ITPR1: variants seen among roughly 807,000 people sequenced by gnomAD.
ITPR1 encodes the protein inositol 1,4,5-trisphosphate-gated calcium channel ITPR1.
ITPR1 carries 96 observed loss-of-function variants against 318.4 expected under a neutral mutation model. The observed-to-expected ratio is 0.30, with a 90% CI of 0.26 to 0.36. ITPR1 has a LOEUF of 0.36. Among genes scored for constraint, ITPR1 ranks in the 10% least tolerant of loss-of-function variants. ITPR1 has a pLI of 1.00. For synonymous variants in ITPR1, 1,312 were observed against 1,289.9 expected (o/e 1.02, Z -0.37); for missense variants, 2,440 against 3,460.2 (o/e 0.71, Z 7.40).
chr3:4,677,909 T>G (rs2094216469), intron 24 of ITPR1, among the ~76,000 whole-genome samples: 1 of 132,344 alleles, frequency 7.6e-6, no homozygotes, highest in Admixed American at 7.7e-5. Flanking sequence ...CTCCCAAGCC[T>G]CTCTACAGCT....
intron 52 of ITPR1, among the ~76,000 whole-genome samples, chr3:4,790,901 C>T (rs752766512): frequency 6.6e-6 from 1 of 152,236 alleles, no homozygotes; most frequent in Non-Finnish European, 1.5e-5. Flanking sequence ...CTCTCACCAT[C>T]CCTCCCTGAT....
At chr3:4,829,726 T>G (rs2050316138) in intron 60 of ITPR1, among the ~76,000 whole-genome samples, 1 of 152,158 alleles carries the variant, frequency 6.6e-6, no homozygotes, top group African/African-American at 2.4e-5. Context: ...CCTCCATCAT[T>G]TGCTGCTTAC....
chr3:4,820,402 T>G (rs1384748496), intron 60 of ITPR1, among the ~76,000 whole-genome samples: 1 of 152,182 alleles, frequency 6.6e-6, no homozygotes, highest in African/African-American at 2.4e-5. Flanking sequence ...TTTCTCTTAA[T>G]CACCTTACTT....
intron 4 of ITPR1, among the ~76,000 whole-genome samples, chr3:4,561,765 T>G (rs1426234581): frequency 1.3e-5 from 2 of 152,124 alleles, no homozygotes; most frequent in African/African-American, 2.4e-5. Flanking sequence ...TAATTTAACG[T>G]GGGTTAAAAG....
intron 32 of ITPR1, among the ~76,000 whole-genome samples, chr3:4,692,284 C>G (rs752639376): frequency 1.3e-5 from 2 of 150,584 alleles, no homozygotes; most frequent in South Asian, 2.1e-4. Flanking sequence ...TGAAGATACG[C>G]AGATTTCACT....
intron 4 of ITPR1, among the ~76,000 whole-genome samples, chr3:4,601,892 T>A (rs1322149116): frequency 6.6e-6 from 1 of 152,156 alleles, no homozygotes; most frequent in East Asian, 1.9e-4. Context: ...GGAAAAAGAT[T>A]TGAATAGACG....
intron 17 of ITPR1, among the ~76,000 whole-genome samples, chr3:4,666,080 T>C (rs2093941193): frequency 6.6e-6 from 1 of 152,152 alleles, no homozygotes; most frequent in African/African-American, 2.4e-5. Context: ...ATGTCAGTAG[T>C]GCTGAGGTTT....
At chr3:4,835,703 A>G (rs2050859674) in intron 60 of ITPR1, among the ~76,000 whole-genome samples, 1 of 152,180 alleles carries the variant, frequency 6.6e-6, no homozygotes, top group Non-Finnish European at 1.5e-5. Flanking sequence ...GTCTCATGCT[A>G]AGCTTTTCTT....
At position 4,676,774 on chromosome 3, in the gene ITPR1, C is replaced by G. The variant is rs886058614; in HGVS notation, c.2940C>G (p.Thr980=). The G allele has an allele frequency of 1.1e-5, 17 of 1,613,370 alleles. No homozygotes were observed. Among genetic ancestry groups the G allele is most frequent in the Non-Finnish European group, 1.3e-5 (15 of 1,179,682 alleles). ...AGGAGGACATCATGGTCATGGACACCAAGCTGAAGATCATTGAGATACTCC... is the reference window on the plus strand; with the variant it reads ...AGGAGGACATCATGGTCATGGACACGAAGCTGAAGATCATTGAGATACTCC... The part of the protein sequence containing the change: ...PEKEDIMVMD[T]KLKIIEILQF... Residue 980 remains threonine (T), a synonymous_variant, in exon 24 of 62, where the codon ACC becomes ACG. Coordinates refer to ENST00000649015, the MANE Select transcript of ITPR1 (RefSeq NM_001378452.1).
At chr3:4,620,851 C>A (rs113686917) in intron 4 of ITPR1, among the ~76,000 whole-genome samples, 1 of 152,072 alleles carries the variant, frequency 6.6e-6, no homozygotes, top group Admixed American at 6.5e-5. Flanking sequence ...TGTATAGCTA[C>A]AGTGGATTTG....
At position 4,673,330 on chromosome 3, in the gene ITPR1, C is replaced by A. The variant is rs768078525; in HGVS notation, c.2399C>A (p.Thr800Asn). The change falls in exon 21 of 62, where the codon ACC becomes AAC. Residue 800 changes from threonine (T) to asparagine (N), a missense_variant. Physicochemically the swap from Thr to Asn is moderately conservative, Grantham distance 65. Transcript: ENST00000649015. ...GACCGAGATCCCCAGGAACAAGTCA[C>A]CCCCGTGAAATATGCCCGCCTCTGG... ...HVDRDPQEQVTPVKYARLWSE... is the reference protein window; with the variant it reads ...HVDRDPQEQVNPVKYARLWSE... 1 of 1,613,422 alleles carries A rather than the reference C, an allele frequency of 6.2e-7. No individual in the cohort carries two copies. Among genetic ancestry groups the A allele is most frequent in the South Asian group, 1.1e-5 (1 of 91,054 alleles).
chr3:4,516,772 T>C (rs1254664243), intron 3 of ITPR1, among the ~76,000 whole-genome samples, 189 bp downstream of exon 3: 3 of 152,256 alleles, frequency 2.0e-5, no homozygotes, highest in African/African-American at 7.2e-5. Flanking sequence ...ATTTTCTGTA[T>C]ATTTCTGAAA....
chr3:4,707,443 A>G (rs916629903), intron 37 of ITPR1, among the ~76,000 whole-genome samples: 3 of 152,228 alleles, frequency 2.0e-5, no homozygotes, highest in African/African-American at 4.8e-5. Flanking sequence ...GCTTCCTCAC[A>G]TCATGGCGGC....
intron 53 of ITPR1, chr3:4,799,716 G>A (rs1037594133): frequency 1.3e-5 from 2 of 152,062 alleles, no homozygotes; most frequent in South Asian, 2.1e-4. Flanking sequence ...AAGCCGTCTC[G>A]TGGGACACTC....
intron 4 of ITPR1, among the ~76,000 whole-genome samples, chr3:4,523,372 G>A (rs304018): frequency 0.99 from 151,211 of 152,294 alleles, 75,074 homozygotes; most frequent in Middle Eastern, 1. Context: ...GAATATGCAT[G>A]TATAGTGGAA....
In ITPR1 at chr3:4,779,742, T is replaced by C; in HGVS notation, c.6387+97T>C. 1.3e-6 allele frequency: 1 copy of C among 795,882 alleles called. No homozygotes were observed. Among genetic ancestry groups the C allele is most frequent in the Non-Finnish European group, 2.1e-6 (1 of 470,308 alleles). The allele number at this position is 795,882 out of a possible 1,614,324, so 49.3% of individuals were successfully genotyped here. ...CTGCTTCCTGGAGCTTTCTTGAAGG[T>C]TCCCAAAGTCAGAAGTATAAAGGGA... On this transcript the variant is annotated intron_variant, in intron 49 of 61. Transcript: ENST00000649015. The surrounding 1 kb of genome is among the most constrained non-coding windows in gnomAD (Gnocchi z 4.0).
intron 1 of ITPR1, 48 bp from the exon 2 acceptor site, chr3:4,494,383 C>T (rs1397642081): frequency 6.6e-6 from 1 of 152,276 alleles, no homozygotes; most frequent in Non-Finnish European, 1.5e-5. Flanking sequence ...TGTTAGAGCT[C>T]ATCTTCCGCG....
chr3:4,674,796 A>G (rs2094151589), intron 22 of ITPR1, among the ~76,000 whole-genome samples: 1 of 151,150 alleles, frequency 6.6e-6, no homozygotes, highest in Non-Finnish European at 1.5e-5. Context: ...GCCTGGTGTT[A>G]ATATTATCCT....
At chr3:4,767,938 C>G (rs766009724) in intron 45 of ITPR1, among the ~76,000 whole-genome samples, 1 of 152,128 alleles carries the variant, frequency 6.6e-6, no homozygotes, top group African/African-American at 2.4e-5. Flanking sequence ...TAAGTCATTA[C>G]GGACATGCAG....
Sources: gnomAD v4.1 joint callset for allele counts (sites outside exome capture counted in the v4.1 genomes callset) on GRCh38, gnomAD v4.1.1 for gene constraint, Gnocchi (gnomAD v3.1) non-coding constraint, MANE v1.5 for transcripts, NCBI Gene and HGNC (gene_info 2026-07-23, HGNC 2026-07-21) for gene names.